The following EPM2A variants were observed in gnomAD, a reference collection of about 807,000 sequenced individuals.
EPM2A encodes the protein EPM2A glucan phosphatase, laforin.
EPM2A carries 21 observed loss-of-function variants against 26.5 expected under a neutral mutation model. The ratio of observed to expected loss-of-function variants is 0.79; its 90% CI spans 0.56 to 1.14. The LOEUF (loss-of-function observed/expected upper bound fraction) is 1.14. EPM2A is among the 50% of genes most tolerant of loss of function. The pLI, the probability that EPM2A is intolerant of heterozygous loss-of-function variation, is 0.00. For missense variants in EPM2A, 458 were observed against 440.8 expected (o/e 1.04, Z -0.35); for synonymous variants, 217 against 177.6 (o/e 1.22, Z -1.76).
At chr6:145,655,418 C>G (rs1359554395) in intron 2 of EPM2A, among the ~76,000 whole-genome samples, 1 of 151,862 alleles carries the variant, frequency 6.6e-6, no homozygotes, top group Non-Finnish European at 1.5e-5. Context: ...TACTCTGTAC[C>G]CAGGCACTGA....
intron 4 of EPM2A, among the ~76,000 whole-genome samples, chr6:145,487,136 C>G (rs1205224638): frequency 1.3e-5 from 2 of 152,172 alleles, no homozygotes; most frequent in Non-Finnish European, 2.9e-5. Context: ...ATAATGGCCT[C>G]TAGCTGCATC....
chr6:145,422,889 T>A lies in EPM2A; in HGVS notation c.556-38792A>T, dbSNP rs921298251. On this transcript the variant is annotated intron_variant, in intron 4 of 4. Coordinates refer to the EPM2A transcript ENST00000638717. ...GTTTTTAATATTTAATCACTAAAAA[T>A]TTTTTTTCTAAGCCATGACTCACTC... Among the ~76,000 whole-genome samples, 14 of 152,116 alleles carry A rather than the reference T, an allele frequency of 9.2e-5. 1 individual carries two copies. The highest frequency in any genetic ancestry group is 3.4e-4 in the African/African-American group (14 of 41,524).
intron 2 of EPM2A, among the ~76,000 whole-genome samples, chr6:145,505,935 T>C (rs773605945): frequency 2.0e-5 from 3 of 152,202 alleles, no homozygotes; most frequent in Admixed American, 1.3e-4. Context: ...AAAATTCTAG[T>C]AGAAGTTCCT....
chr6:145,671,157 A>G (rs1779606695), intron 2 of EPM2A: 34 of 1,005,722 alleles, frequency 3.4e-5, no homozygotes, highest in Non-Finnish European at 3.9e-5. Flanking sequence ...TCCAAAAAAG[A>G]TTCTTGTCGA....
At chr6:145,639,119 G>A (rs990904861) in intron 2 of EPM2A, 2 of 152,048 alleles carry the variant, frequency 1.3e-5, no homozygotes, top group Non-Finnish European at 2.9e-5. Context: ...TTAATGCAAG[G>A]CATACCAAAA....
chr6:145,635,081 T>C, intron 3 of EPM2A, 164 bp downstream of exon 3: 1 of 746,856 alleles, frequency 1.3e-6, no homozygotes, highest in Non-Finnish European at 2.1e-6. Flanking sequence ...AACAGAATCT[T>C]AGCCACAGTG....
chr6:145,419,878 C>T (rs1040381196), intron 4 of EPM2A, among the ~76,000 whole-genome samples: 11 of 151,818 alleles, frequency 7.2e-5, no homozygotes, highest in South Asian at 6.2e-4. Flanking sequence ...ATCAAATATA[C>T]GTTAGTGAGC....
At chr6:145,581,534 A>G (rs1240050886) in intron 2 of EPM2A, among the ~76,000 whole-genome samples, 2 of 151,974 alleles carry the variant, frequency 1.3e-5, no homozygotes, top group African/African-American at 4.8e-5. Flanking sequence ...TTTATTTTGC[A>G]ATTGTTTTTG....
chr6:145,648,518 G>A (rs951780828), intron 2 of EPM2A, among the ~76,000 whole-genome samples: 1 of 152,184 alleles, frequency 6.6e-6, no homozygotes, highest in Non-Finnish European at 1.5e-5. Flanking sequence ...TATTTTAAAT[G>A]TTAGCTGTTA....
At chr6:145,690,706 T>C (rs1781228850) in intron 1 of EPM2A, among the ~76,000 whole-genome samples, 1 of 151,058 alleles carries the variant, frequency 6.6e-6, no homozygotes, top group Non-Finnish European at 1.5e-5. Flanking sequence ...GTGATAATTA[T>C]GTGATAAAGA....
At chr6:145,632,913 C>T (rs1385648314) in intron 3 of EPM2A, among the ~76,000 whole-genome samples, 1 of 152,198 alleles carries the variant, frequency 6.6e-6, no homozygotes, top group African/African-American at 2.4e-5. Context: ...TACAGCTGGG[C>T]CTTTATCACG....
downstream of EPM2A, among the ~76,000 whole-genome samples, chr6:145,500,010 C>CA (rs1779867907): frequency 6.7e-6 from 1 of 149,244 alleles, no homozygotes; most frequent in Admixed American, 6.7e-5. Flanking sequence ...AAAAGATGTG[C>CA]TTTTTTTTTT....
At chr6:145,553,403 T>C (rs1178679682) in intron 2 of EPM2A, among the ~76,000 whole-genome samples, 1 of 152,114 alleles carries the variant, frequency 6.6e-6, no homozygotes, top group East Asian at 1.9e-4. Flanking sequence ...TCCTCCTCAG[T>C]AGCGTGGCTA....
chr6:145,585,696 A>C (rs1781186766), intron 2 of EPM2A, among the ~76,000 whole-genome samples: 1 of 151,974 alleles, frequency 6.6e-6, no homozygotes, highest in Non-Finnish European at 1.5e-5. Flanking sequence ...AGATACTGTA[A>C]ATTTTATCTC....
chr6:145,430,532 C>T (rs532173571), intron 4 of EPM2A, among the ~76,000 whole-genome samples: 67 of 151,380 alleles, frequency 4.4e-4, no homozygotes, highest in Admixed American at 3.4e-3. Context: ...ACCTGGAGGG[C>T]GGAGGTTGCA....
At chr6:145,385,114 C>G (rs1314846022) in intron 4 of EPM2A, among the ~76,000 whole-genome samples, 2 of 147,632 alleles carry the variant, frequency 1.4e-5, no homozygotes, top group Admixed American at 1.4e-4. Flanking sequence ...AAGAATTTTT[C>G]TCTTAAAGAA....
At chr6:145,615,718 G>A (rs931135194) in intron 2 of EPM2A, among the ~76,000 whole-genome samples, 1 of 152,066 alleles carries the variant, frequency 6.6e-6, no homozygotes, top group African/African-American at 2.4e-5. Context: ...CTCACATGGA[G>A]ATGAGGAACT....
At chr6:145,492,030 G>T in intron 4 of EPM2A, 1 of 347,408 alleles carries the variant, frequency 2.9e-6, no homozygotes, top group Non-Finnish European at 5.6e-6. Flanking sequence ...TCAGTCAGTC[G>T]AGGATCATCT....
At chr6:145,624,092 A>G (rs1306179542), downstream of EPM2A, among the ~76,000 whole-genome samples, 6 of 151,910 alleles carry the variant, frequency 3.9e-5, no homozygotes, top group Non-Finnish European at 7.4e-5. Context: ...TTTCCCCTTT[A>G]TTCTCAGTCT....
Sources: allele counts gnomAD v4.1 joint callset (sites outside exome capture counted in the v4.1 genomes callset), GRCh38; gene constraint gnomAD v4.1.1; transcripts MANE v1.5; gene names NCBI Gene and HGNC (gene_info 2026-07-23, HGNC 2026-07-21).